Variants in NTM observed in about 807,000 individuals in gnomAD.
NTM encodes neurotrimin.
In NTM, 13 loss-of-function variants were observed where a neutral mutation model predicts 42.1. The ratio of observed to expected loss-of-function variants is 0.31; its 90% confidence interval spans 0.20 to 0.49. The LOEUF (loss-of-function observed/expected upper bound fraction) is 0.49. NTM is among the 20% of genes least tolerant of loss of function. NTM has a pLI of 0.99. For missense variants in NTM, 373 were observed against 452.8 expected, an observed-to-expected ratio of 0.82 and a Z score of 1.60; for synonymous variants, 187 against 179.2, an observed-to-expected ratio of 1.04 and a Z score of -0.35.
chr11:132,026,375 G>A (rs966859592), intron 2 of NTM, among the ~76,000 whole-genome samples: 16 of 152,212 alleles, frequency 1.1e-4, no homozygotes, highest in East Asian at 1.9e-4. Context: ...AAATAGTCAC[G>A]TATGTAAACC....
chr11:131,853,245 A>T (rs2045770735), intron 1 of NTM, among the ~76,000 whole-genome samples: 1 of 152,022 alleles, frequency 6.6e-6, no homozygotes, highest in Admixed American at 6.6e-5. Flanking sequence ...TAAATTTCCA[A>T]CTTTTAAGTT....
intron 1 of NTM, among the ~76,000 whole-genome samples, chr11:131,429,031 G>A (rs1450084971): frequency 6.6e-6 from 1 of 152,068 alleles, no homozygotes; most frequent in Admixed American, 6.6e-5. Context: ...CTCCAGCCTG[G>A]GTGACAGAGT....
chr11:131,404,089 C>T (rs1209144281), intron 1 of NTM, among the ~76,000 whole-genome samples: 4 of 152,090 alleles, frequency 2.6e-5, no homozygotes, highest in Non-Finnish European at 5.9e-5. Flanking sequence ...CTTGACCTCC[C>T]TTCTTCCTTT....
intron 2 of NTM, among the ~76,000 whole-genome samples, chr11:132,070,118 G>C (rs1311346559): frequency 7.3e-6 from 1 of 136,120 alleles, no homozygotes; most frequent in African/African-American, 2.9e-5. Context: ...ACCGTCACAG[G>C]TTAGTTAACA....
intron 4 of NTM, among the ~76,000 whole-genome samples, chr11:132,245,768 C>T (rs1487285030): frequency 6.6e-6 from 1 of 152,118 alleles, no homozygotes; most frequent in Non-Finnish European, 1.5e-5. Flanking sequence ...TCGGCTCAGC[C>T]ATGCCAGCTG....
At chr11:131,698,941 C>T (rs770965913) in intron 1 of NTM, among the ~76,000 whole-genome samples, 5 of 152,110 alleles carry the variant, frequency 3.3e-5, no homozygotes, top group Non-Finnish European at 7.4e-5. Context: ...GAAGTGTGGT[C>T]TTTGGAGCCA....
At chr11:131,691,347 C>T (rs1196282738) in intron 1 of NTM, among the ~76,000 whole-genome samples, 1 of 152,232 alleles carries the variant, frequency 6.6e-6, no homozygotes, top group Admixed American at 6.5e-5. Context: ...CAAGGCGCTG[C>T]CCGGATGATA....
chr11:131,745,386 G>A (rs1483331097), intron 1 of NTM, among the ~76,000 whole-genome samples: 2 of 152,186 alleles, frequency 1.3e-5, no homozygotes, highest in South Asian at 2.1e-4. Flanking sequence ...GCAAGATGAG[G>A]CCAAAGTGAT....
At chr11:131,787,382 T>TTATTATTC (rs1223412614) in intron 1 of NTM, among the ~76,000 whole-genome samples, 2 of 19,808 alleles carry the variant, frequency 1.0e-4, no homozygotes, top group African/African-American at 4.2e-4. Context: ...TATTATTATT[T>TTATTATTC]TATTTTTATT....
chr11:131,527,992 G>T (rs2050741891), intron 1 of NTM, among the ~76,000 whole-genome samples: 1 of 152,186 alleles, frequency 6.6e-6, no homozygotes, highest in African/African-American at 2.4e-5. Context: ...AAGGCTCAAA[G>T]GAAATGCTCA....
intron 2 of NTM, among the ~76,000 whole-genome samples, chr11:131,917,574 A>G (rs2056588203): frequency 1.3e-5 from 2 of 152,210 alleles, no homozygotes; most frequent in Non-Finnish European, 2.9e-5. Flanking sequence ...TAGCATTTTC[A>G]AGGTAAGGAG....
chr11:131,566,169 T>C (rs318948), intron 1 of NTM, among the ~76,000 whole-genome samples: 93,067 of 152,000 alleles, frequency 0.61, 28,881 homozygotes, highest in African/African-American at 0.72. Flanking sequence ...CCTGATAAGA[T>C]CTATCACGGC....
intron 1 of NTM, among the ~76,000 whole-genome samples, chr11:131,838,462 T>C (rs947258068): frequency 6.6e-6 from 1 of 152,228 alleles, no homozygotes; most frequent in African/African-American, 2.4e-5. Context: ...GTATTAGTTG[T>C]GTTGCAAATT....
intron 2 of NTM, among the ~76,000 whole-genome samples, chr11:131,944,286 T>G (rs1378223488): frequency 1.3e-5 from 2 of 152,232 alleles, no homozygotes; most frequent in African/African-American, 4.8e-5. Context: ...CTGGGCTTTA[T>G]TAATCCTTCT....
chr11:131,553,480 T>C (rs752318165), intron 1 of NTM, among the ~76,000 whole-genome samples: 8 of 152,166 alleles, frequency 5.3e-5, no homozygotes, highest in Admixed American at 2.0e-4. Context: ...GTTTAATGAA[T>C]GACAGCACCA....
intron 1 of NTM, among the ~76,000 whole-genome samples, chr11:131,401,814 A>ATATATATATATATATATATGTG (rs1565465229): frequency 8.8e-4 from 24 of 27,180 alleles, no homozygotes; most frequent in Non-Finnish European, 1.2e-3. Flanking sequence ...ATATATATAT[A>ATATATATATATATATATATGTG]TATATATATA....
chr11:131,507,356 C>A (rs1410434367), intron 1 of NTM, among the ~76,000 whole-genome samples: 1 of 151,164 alleles, frequency 6.6e-6, no homozygotes. Context: ...TGTCAAAGAT[C>A]AGATAGTTGT....
Position 132,248,209 on chromosome 11 carries a change from C to G in NTM, c.526+36062C>G, listed in dbSNP as rs530724302. ...GGGAGAGACAGGGGAAAAAACTGCT[C>G]ATCCTTCTCCTGGCTTGTCACTGTA... On this transcript the variant is annotated intron_variant, in intron 4 of 8. Transcript: ENST00000683400. Among the ~76,000 whole-genome samples the G allele has an allele frequency of 7.9e-5, 12 of 152,294 alleles. No individual in the cohort carries two copies. In the East Asian group the frequency reaches 2.1e-3, roughly 27 times the overall value.
chr11:131,882,719 A>G (rs544190184), intron 1 of NTM, among the ~76,000 whole-genome samples: 13 of 152,300 alleles, frequency 8.5e-5, no homozygotes, highest in African/African-American at 3.1e-4. Flanking sequence ...TATCTGCTGG[A>G]TAGAAAAAGA....
Sources: gnomAD v4.1 joint callset for allele counts (sites outside exome capture counted in the v4.1 genomes callset) on GRCh38, gnomAD v4.1.1 for gene constraint, MANE v1.5 for transcripts, NCBI Gene and HGNC (gene_info 2026-07-23, HGNC 2026-07-21) for gene names.